The following ELF1 variants were observed in gnomAD, a reference collection of about 807,000 sequenced individuals.
ELF1 encodes E74 like ETS transcription factor 1.
A neutral mutation model predicts 59.9 loss-of-function variants in ELF1; 24 were observed. That is an observed-to-expected ratio of 0.40 (90% CI 0.29 to 0.56). ELF1 has a LOEUF of 0.56. Among genes scored for constraint, ELF1 ranks in the 20% least tolerant of loss-of-function variants. The pLI, the probability that ELF1 is intolerant of heterozygous loss-of-function variation, is 0.44. For missense variants in ELF1, 627 were observed against 742.2 expected (o/e 0.84, Z 1.80); for synonymous variants, 248 against 266.2 (o/e 0.93, Z 0.67).
At chr13:40,973,000 T>C (rs1475438310) in intron 2 of ELF1, among the ~76,000 whole-genome samples, 1 of 152,198 alleles carries the variant, frequency 6.6e-6, no homozygotes, top group Non-Finnish European at 1.5e-5. Flanking sequence ...GGCTTCCCAG[T>C]AGCTCCTTTC....
chr13:40,951,281 A>T (rs969755739), intron 4 of ELF1, 48 bp downstream of exon 4: 2 of 1,405,086 alleles, frequency 1.4e-6, no homozygotes. Flanking sequence ...AAAGATGGCA[A>T]GAGTAACTTA....
At chr13:40,951,546 T>C in intron 3 of ELF1, 110 bp from the exon 4 acceptor site, 1 of 568,456 alleles carries the variant, frequency 1.8e-6, no homozygotes, top group Non-Finnish European at 2.8e-6. Flanking sequence ...TATTTTAGTT[T>C]ATATATATAT....
At chr13:40,957,994 A>T (rs1871560583) in intron 3 of ELF1, among the ~76,000 whole-genome samples, 1 of 152,242 alleles carries the variant, frequency 6.6e-6, no homozygotes, top group South Asian at 2.1e-4. Context: ...TGCCACTATG[A>T]AATCTACAGA....
intron 1 of ELF1, among the ~76,000 whole-genome samples, chr13:40,988,624 T>C (rs1458674101): frequency 2.6e-5 from 4 of 152,194 alleles, no homozygotes; most frequent in Non-Finnish European, 5.9e-5. Context: ...ACTTTAAGTC[T>C]TAGAGTTTTA....
intron 1 of ELF1, among the ~76,000 whole-genome samples, chr13:41,011,186 T>C (rs1457197001): frequency 6.6e-6 from 1 of 152,246 alleles, no homozygotes; most frequent in Non-Finnish European, 1.5e-5. Context: ...TGGATGTTAA[T>C]ACTATACTAA....
intron 1 of ELF1, among the ~76,000 whole-genome samples, chr13:41,029,833 C>T (rs889062869): frequency 5.9e-5 from 9 of 152,154 alleles, no homozygotes; most frequent in Non-Finnish European, 1.2e-4. Context: ...ACTGGAAAGA[C>T]TGCAGTTACC....
At chr13:40,950,641 C>A (rs1446474171) in intron 4 of ELF1, among the ~76,000 whole-genome samples, 2 of 152,212 alleles carry the variant, frequency 1.3e-5, no homozygotes, top group African/African-American at 4.8e-5. Context: ...CTGATATTCT[C>A]AGCTAGAATA....
Position 40,933,862 on chromosome 13 carries a change from G to GTGA in ELF1, c.1420_1422dup (p.Ser474dup). The GTGA allele has an allele frequency of 6.2e-7, 1 of 1,614,252 alleles. No individual in the cohort carries two copies. Among genetic ancestry groups the GTGA allele is most frequent in the Non-Finnish European group, 8.5e-7 (1 of 1,180,052 alleles). ...TTTTCTTTCAGTACTGTCATGGGCT[G>GTGA]TGATGATGGAATGGCTTGTAAAATA... On this transcript the variant is annotated inframe_insertion, in exon 9 of 9. Transcript: ENST00000239882.
At chr13:40,977,847 A>G (rs976584895) in intron 2 of ELF1, among the ~76,000 whole-genome samples, 2 of 152,212 alleles carry the variant, frequency 1.3e-5, no homozygotes, top group Non-Finnish European at 2.9e-5. Flanking sequence ...ACAATATAAA[A>G]ACAGTTCAAC....
chr13:41,013,023 T>C (rs1229699134), intron 1 of ELF1, among the ~76,000 whole-genome samples: 1 of 152,192 alleles, frequency 6.6e-6, no homozygotes, highest in Non-Finnish European at 1.5e-5. Context: ...AGTTAACAAA[T>C]GACAAGCATA....
At chr13:40,987,601 A>AAAAG (rs1253252196) in intron 1 of ELF1, among the ~76,000 whole-genome samples, 2 of 38,098 alleles carry the variant, frequency 5.2e-5, no homozygotes, top group Admixed American at 5.0e-4. Flanking sequence ...AAAAAAAAAA[A>AAAAG]AAAGAAAGAA....
At chr13:41,036,304 T>C (rs1876379453) in intron 1 of ELF1, among the ~76,000 whole-genome samples, 1 of 152,236 alleles carries the variant, frequency 6.6e-6, no homozygotes, top group African/African-American at 2.4e-5. Flanking sequence ...TGGCTTTATT[T>C]ATTCATATTT....
rs1001615634 is a variant in ELF1 at position 41,036,590 on chromosome 13, C to G, written c.-229+24248G>C. 1.6e-4 allele frequency among the ~76,000 whole-genome samples: 25 copies of G among 152,316 alleles called. No individual in the cohort carries two copies. In the Middle Eastern group the frequency reaches 0.01, roughly 62 times the overall value. ...AACTAGAAATACCATTTGACCCAGC[C>G]ATCCCATTACTGGGTATATACCCAA... On this transcript the variant is annotated intron_variant, in intron 1 of 1. Coordinates refer to the ELF1 transcript ENST00000405737.
intron 1 of ELF1, chr13:40,993,396 G>A: frequency 4.9e-6 from 4 of 817,834 alleles, no homozygotes; most frequent in South Asian, 3.0e-5. Flanking sequence ...ATGGGTCTGG[G>A]GGGAGCGGGG....
chr13:41,001,400 C>A (rs1196460772), intron 1 of ELF1, among the ~76,000 whole-genome samples: 1 of 152,072 alleles, frequency 6.6e-6, no homozygotes, highest in Non-Finnish European at 1.5e-5. Context: ...CCAACCCAGG[C>A]AACATAGCAA....
In ELF1 at chr13:40,955,949, G is replaced by A. The variant is rs1341623315; in HGVS notation, c.253+2887C>T. Among the ~76,000 whole-genome samples the A allele has an allele frequency of 1.3e-3, 150 of 113,148 alleles. 11 individuals carry two copies. The highest frequency in any genetic ancestry group is 6.1e-4 in the Non-Finnish European group (32 of 52,294). The allele number at this position is 113,148 out of a possible 152,430, so 74.2% of individuals were successfully genotyped here. ...CAGCCGCCCCGTCCGGGAGGGAGGC[G>A]GGGGGGTCAGCCCCCCGCCCGGCCA... is the stretch of plus-strand genomic sequence containing the variant. On this transcript the variant is annotated intron_variant, in intron 3 of 8. Coordinates refer to ENST00000239882, the MANE Select transcript of ELF1 (RefSeq NM_172373.4).
chr13:41,029,700 G>A (rs764081514), intron 1 of ELF1, among the ~76,000 whole-genome samples: 12 of 152,148 alleles, frequency 7.9e-5, no homozygotes, highest in Non-Finnish European at 1.3e-4. Flanking sequence ...ATTTCAATCA[G>A]TGGACTCCAT....
intron 1 of ELF1, among the ~76,000 whole-genome samples, chr13:41,048,118 C>T (rs1053626983): frequency 2.5e-4 from 38 of 152,316 alleles, no homozygotes; most frequent in Admixed American, 9.2e-4. Flanking sequence ...TTGCTAAGAC[C>T]GTTGGAAAAG....
At chr13:40,955,286 C>A (rs1177861470) in intron 3 of ELF1, among the ~76,000 whole-genome samples, 1 of 142,050 alleles carries the variant, frequency 7.0e-6, no homozygotes, top group East Asian at 2.2e-4. Flanking sequence ...TGGGGGTCAG[C>A]CCCCCGCCCG....
Sources: gnomAD v4.1 joint callset for allele counts (sites outside exome capture counted in the v4.1 genomes callset) on GRCh38, gnomAD v4.1.1 for gene constraint, MANE v1.5 for transcripts, NCBI Gene and HGNC (gene_info 2026-07-23, HGNC 2026-07-21) for gene names.